The following CCDC7 variants were observed in gnomAD, a reference collection of about 807,000 sequenced individuals.
The protein encoded by CCDC7 is coiled-coil domain-containing protein 7.
Under a neutral mutation model 196.9 loss-of-function variants are expected in CCDC7, and 183 were observed. The observed-to-expected ratio is 0.93, with a 90% CI of 0.82 to 1.05. CCDC7 has a LOEUF of 1.05. Ranked by LOEUF, CCDC7 falls within the 50% of genes least tolerant of loss-of-function variation. The probability of loss-of-function intolerance (pLI) is 0.00; values close to 1 mark genes in which losing one functional copy is unlikely to be tolerated. For synonymous variants in CCDC7, 525 were observed against 484.6 expected (o/e 1.08, Z -1.10); for missense variants, 1,540 against 1,482.2 (o/e 1.04, Z -0.64).
chr10:32,591,106 A>T, intron 18 of CCDC7, among the ~76,000 whole-genome samples: 1 of 152,082 alleles, frequency 6.6e-6, no homozygotes, highest in Non-Finnish European at 1.5e-5. Flanking sequence ...CTCTGAGGCC[A>T]GTAACTCTTA....
At chr10:32,737,682 C>T (rs185605749) in intron 28 of CCDC7, among the ~76,000 whole-genome samples, 1 of 152,164 alleles carries the variant, frequency 6.6e-6, no homozygotes, top group Non-Finnish European at 1.5e-5. Flanking sequence ...CTGTTTTTGC[C>T]TCATGAATTT....
At chr10:32,661,702 C>T (rs1444153091) in intron 20 of CCDC7, among the ~76,000 whole-genome samples, 1 of 152,118 alleles carries the variant, frequency 6.6e-6, no homozygotes, top group Non-Finnish European at 1.5e-5. Flanking sequence ...ACGGAGGCCT[C>T]AAAATTCTGC....
chr10:32,676,432 A>C (rs988829051), intron 21 of CCDC7, among the ~76,000 whole-genome samples: 1 of 151,134 alleles, frequency 6.6e-6, no homozygotes, highest in Admixed American at 6.6e-5. Flanking sequence ...GTGAACAGGC[A>C]ACCTACAAAA....
intron 41 of CCDC7, among the ~76,000 whole-genome samples, chr10:32,870,321 A>G (rs367773925): frequency 1.3e-5 from 2 of 151,964 alleles, no homozygotes; most frequent in South Asian, 4.1e-4. Context: ...CACATCCCTT[A>G]TAAGTTGGAT....
chr10:32,697,671 GA>G (rs973054443), intron 24 of CCDC7, among the ~76,000 whole-genome samples: 8 of 152,156 alleles, frequency 5.3e-5, no homozygotes, highest in African/African-American at 1.9e-4. Context: ...AAGCAACTGG[GA>G]AGCTCGAACT....
intron 21 of CCDC7, among the ~76,000 whole-genome samples, chr10:32,668,772 A>C (rs914088297): frequency 1.3e-5 from 2 of 151,984 alleles, no homozygotes; most frequent in Admixed American, 6.6e-5. Flanking sequence ...AATCGGTTTG[A>C]CAGTATTTTA....
chr10:32,762,559 G>A (rs1297910790), intron 28 of CCDC7, among the ~76,000 whole-genome samples: 1 of 151,262 alleles, frequency 6.6e-6, no homozygotes, highest in Non-Finnish European at 1.5e-5. Context: ...AAAGTTGCAG[G>A]CATCACACTT....
chr10:32,727,144 AC>A (rs1482715107), intron 26 of CCDC7, among the ~76,000 whole-genome samples: 1 of 152,124 alleles, frequency 6.6e-6, no homozygotes, highest in Admixed American at 6.6e-5. Flanking sequence ...TGGAGATCAT[AC>A]CCAATGATCA....
At chr10:32,792,908 G>T (rs2082946664) in intron 29 of CCDC7, among the ~76,000 whole-genome samples, 2 of 152,232 alleles carry the variant, frequency 1.3e-5, no homozygotes, top group Middle Eastern at 6.8e-3. Flanking sequence ...ACAAAGGTAG[G>T]CAGCAAAAGA....
At chr10:32,706,063 T>G (rs2079686119) in intron 24 of CCDC7, among the ~76,000 whole-genome samples, 1 of 152,112 alleles carries the variant, frequency 6.6e-6, no homozygotes, top group South Asian at 2.1e-4. Context: ...GACTACATAG[T>G]TGGAAGTAAA....
intron 11 of CCDC7, among the ~76,000 whole-genome samples, chr10:32,536,969 T>C (rs1470865766): frequency 1.3e-5 from 2 of 152,236 alleles, no homozygotes; most frequent in East Asian, 1.9e-4. Flanking sequence ...TATATGTGCA[T>C]GTGTCTTCAT....
chr10:32,488,526 A>T (rs1360668873), intron 8 of CCDC7, among the ~76,000 whole-genome samples: 2 of 152,114 alleles, frequency 1.3e-5, no homozygotes, highest in Non-Finnish European at 2.9e-5. Context: ...CAGTGAGATG[A>T]ACCCGGTACC....
At chr10:32,796,495 G>A (rs966667836) in intron 29 of CCDC7, among the ~76,000 whole-genome samples, 2 of 152,122 alleles carry the variant, frequency 1.3e-5, no homozygotes, top group African/African-American at 4.8e-5. Context: ...AATATAGTAT[G>A]GATATCTTTT....
chr10:32,589,755 C>T (rs55914447), intron 18 of CCDC7, among the ~76,000 whole-genome samples: 7,616 of 152,058 alleles, frequency 0.05, 624 homozygotes, highest in African/African-American at 0.17. Context: ...TATATATTTA[C>T]AATTGTTATA....
At chr10:32,506,440 C>A (rs11817314) in intron 9 of CCDC7, among the ~76,000 whole-genome samples, 13,074 of 152,300 alleles carry the variant, frequency 0.086, 891 homozygotes, top group South Asian at 0.25. Context: ...CTGCTCACTT[C>A]CTAGACGGGG....
In CCDC7 at chr10:32,482,105, CT is replaced by C. The variant is rs936993683; in HGVS notation, c.796+8091del. Reference sequence around the variant, plus strand: ...TAAGCTTTCTGCCCCTTTTTCTTTTCTTTTTTTTTAATTCCTATAATGTAAA... The same window carrying C: ...TAAGCTTTCTGCCCCTTTTTCTTTTCTTTTTTTTAATTCCTATAATGTAAA... On this transcript the variant is annotated intron_variant, in intron 8 of 41. Transcript: ENST00000639629. Among the ~76,000 whole-genome samples the C allele has an allele frequency of 4.0e-5, 6 of 150,294 alleles. No individual in the cohort carries two copies. The South Asian group carries it at 6.3e-4, about 16-fold the overall frequency.
chr10:32,482,307 A>G (rs971090627), intron 8 of CCDC7, among the ~76,000 whole-genome samples: 2 of 151,996 alleles, frequency 1.3e-5, no homozygotes, highest in Non-Finnish European at 2.9e-5. Context: ...CTGAATAGTG[A>G]ACATTGTATC....
chr10:32,866,342 A>C (rs529970892), intron 41 of CCDC7, among the ~76,000 whole-genome samples: 1 of 151,904 alleles, frequency 6.6e-6, no homozygotes, highest in African/African-American at 2.4e-5. Context: ...TACAAAAGAC[A>C]TATCTGATAA....
At chr10:32,563,845 C>T (rs2056257944) in intron 13 of CCDC7, among the ~76,000 whole-genome samples, 3 of 151,614 alleles carry the variant, frequency 2.0e-5, no homozygotes, top group African/African-American at 4.8e-5. Context: ...AAAGAAACTA[C>T]CATCAGAGTG....
Sources: gnomAD v4.1 joint callset for allele counts (sites outside exome capture counted in the v4.1 genomes callset) on GRCh38, gnomAD v4.1.1 for gene constraint, MANE v1.5 for transcripts, NCBI Gene and HGNC (gene_info 2026-07-23, HGNC 2026-07-21) for gene names.